The following MRPL13 variants were observed in gnomAD, a reference collection of about 807,000 sequenced individuals.
MRPL13 encodes the protein large ribosomal subunit protein uL13m.
A neutral mutation model predicts 29.0 loss-of-function variants in MRPL13; 33 were observed. The observed-to-expected ratio is 1.14, with a 90% CI of 0.86 to 1.52. MRPL13 has a LOEUF of 1.52. Ranked by LOEUF, MRPL13 falls within the 40% of genes most tolerant of loss-of-function variation. The pLI is 0.00. For synonymous variants in MRPL13, 77 were observed against 68.4 expected (o/e 1.13, Z -0.62); for missense variants, 227 against 216.7 (o/e 1.05, Z -0.30).
At chr8:120,417,078 C>A (rs921978757) in intron 5 of MRPL13, among the ~76,000 whole-genome samples, 3 of 152,138 alleles carry the variant, frequency 2.0e-5, no homozygotes, top group African/African-American at 7.2e-5. Flanking sequence ...AGAGTCCAGG[C>A]CAGTTATGTT....
intron 6 of MRPL13, among the ~76,000 whole-genome samples, chr8:120,411,921 A>C (rs1812744848): frequency 6.6e-6 from 1 of 152,194 alleles, no homozygotes; most frequent in African/African-American, 2.4e-5. Flanking sequence ...AGAAAGCAGA[A>C]ATCATTCAGC....
intron 4 of MRPL13, among the ~76,000 whole-genome samples, chr8:120,423,412 C>T (rs899889857): frequency 6.6e-6 from 1 of 151,734 alleles, no homozygotes; most frequent in Non-Finnish European, 1.5e-5. Flanking sequence ...CACCAGTACT[C>T]AAACCAAATA....
intron 2 of MRPL13, among the ~76,000 whole-genome samples, chr8:120,437,523 A>T (rs976889937): frequency 3.3e-5 from 5 of 152,198 alleles, no homozygotes; most frequent in Admixed American, 1.3e-4. Flanking sequence ...GAATCCTCAT[A>T]AAGAATAAGT....
In MRPL13 at chr8:120,399,496, C is replaced by A. The variant is rs1812562459; in HGVS notation, c.516-3371G>T. Among the ~76,000 whole-genome samples, 3 of 152,166 alleles carry A rather than the reference C, an allele frequency of 2.0e-5. No individual in the cohort carries two copies. The South Asian group carries it at 6.2e-4, about 32-fold the overall frequency. ...GCCTTGCAAGAGCTCCTGAAGAAAGCATTAAATATGGAAAGGAACAACCAT... is the reference window on the plus strand; with the variant it reads ...GCCTTGCAAGAGCTCCTGAAGAAAGAATTAAATATGGAAAGGAACAACCAT... On this transcript the variant is annotated intron_variant, in intron 6 of 6. Transcript: ENST00000306185.
At chr8:120,421,143 A>AT (rs1812869416) in intron 4 of MRPL13, among the ~76,000 whole-genome samples, 1 of 151,916 alleles carries the variant, frequency 6.6e-6, no homozygotes, top group South Asian at 2.1e-4. Context: ...TATAATCTAT[A>AT]TCCCAGGGTA....
intron 5 of MRPL13, among the ~76,000 whole-genome samples, chr8:120,418,422 A>G (rs912452968): frequency 6.6e-6 from 1 of 152,054 alleles, no homozygotes; most frequent in African/African-American, 2.4e-5. Flanking sequence ...TATTTTCATT[A>G]TATGTTACCT....
chr8:120,407,792 T>G (rs1442378284), intron 6 of MRPL13, among the ~76,000 whole-genome samples: 2 of 152,198 alleles, frequency 1.3e-5, no homozygotes, highest in Non-Finnish European at 2.9e-5. Flanking sequence ...GTAGCTTAAG[T>G]GTAATAAATC....
chr8:120,444,896 C>T, intron 1 of MRPL13, 172 bp downstream of exon 1: 1 of 627,160 alleles, frequency 1.6e-6, no homozygotes, highest in African/African-American at 1.9e-5. Flanking sequence ...AACAGACGAA[C>T]GACATTAAGT....
chr8:120,420,442 G>A (rs1812855854), intron 4 of MRPL13, among the ~76,000 whole-genome samples: 1 of 146,210 alleles, frequency 6.8e-6, no homozygotes, highest in South Asian at 2.1e-4. Context: ...TTTAATGTAT[G>A]TAAATATATA....
intron 6 of MRPL13, among the ~76,000 whole-genome samples, chr8:120,403,226 T>C (rs964843294): frequency 6.6e-6 from 1 of 152,112 alleles, no homozygotes; most frequent in Non-Finnish European, 1.5e-5. Flanking sequence ...CTATTCACAA[T>C]AGCAAAGACA....
intron 3 of MRPL13, among the ~76,000 whole-genome samples, chr8:120,429,222 T>C (rs1812969733): frequency 6.6e-6 from 1 of 152,172 alleles, no homozygotes; most frequent in South Asian, 2.1e-4. Flanking sequence ...CTGGAGGCTA[T>C]TATTCTAAGC....
intron 2 of MRPL13, among the ~76,000 whole-genome samples, chr8:120,441,368 C>G (rs1395155625): frequency 1.3e-5 from 2 of 152,140 alleles, no homozygotes; most frequent in Non-Finnish European, 2.9e-5. Flanking sequence ...ATGCAATCAT[C>G]TAAGGCATGA....
chr8:120,418,237 CTT>C (rs1168814649), intron 5 of MRPL13, among the ~76,000 whole-genome samples: 1 of 151,864 alleles, frequency 6.6e-6, no homozygotes, highest in Non-Finnish European at 1.5e-5. Flanking sequence ...ATCTGTCATT[CTT>C]TTTTTAAAAA....
chr8:120,397,143 G>A (rs1012343406), intron 6 of MRPL13, among the ~76,000 whole-genome samples: 2 of 152,126 alleles, frequency 1.3e-5, no homozygotes, highest in Non-Finnish European at 2.9e-5. Context: ...TTTCTCTCAC[G>A]GATCTTTGCA....
intron 4 of MRPL13, among the ~76,000 whole-genome samples, chr8:120,424,984 CACAT>C (rs1326542217): frequency 6.6e-6 from 1 of 151,932 alleles, no homozygotes; most frequent in Non-Finnish European, 1.5e-5. Context: ...TATATGTACA[CACAT>C]ACATACATAT....
intron 3 of MRPL13, among the ~76,000 whole-genome samples, chr8:120,431,066 T>G (rs999163942): frequency 4.1e-4 from 62 of 152,132 alleles, no homozygotes; most frequent in African/African-American, 1.4e-3. Context: ...TATATAAAGA[T>G]TTCATGAATG....
intron 5 of MRPL13, among the ~76,000 whole-genome samples, chr8:120,418,392 G>T (rs1478520214): frequency 2.0e-5 from 3 of 151,996 alleles, no homozygotes; most frequent in Non-Finnish European, 4.4e-5. Flanking sequence ...CTGGATCAAG[G>T]ATCAATCTCC....
At chr8:120,404,803 G>A (rs1029051594) in intron 6 of MRPL13, among the ~76,000 whole-genome samples, 6 of 152,210 alleles carry the variant, frequency 3.9e-5, no homozygotes. Context: ...ACAGCTAGGA[G>A]GTAGATGGCA....
At chr8:120,402,498 A>C (rs1812609851) in intron 6 of MRPL13, among the ~76,000 whole-genome samples, 3 of 152,212 alleles carry the variant, frequency 2.0e-5, no homozygotes, top group African/African-American at 7.2e-5. Context: ...ACAAAATTTA[A>C]CTCAAGGTGA....
Sources: allele counts gnomAD v4.1 joint callset (sites outside exome capture counted in the v4.1 genomes callset), GRCh38; gene constraint gnomAD v4.1.1; transcripts MANE v1.5; gene names NCBI Gene and HGNC (gene_info 2026-07-23, HGNC 2026-07-21).